The following NRXN3 variants were observed in gnomAD, a reference collection of about 807,000 sequenced individuals.
The protein encoded by NRXN3 is neurexin 3.
NRXN3 carries 32 observed loss-of-function variants against 137.6 expected under a neutral mutation model. The ratio of observed to expected loss-of-function variants is 0.23; its 90% CI spans 0.18 to 0.31. The LOEUF is 0.31. NRXN3 is among the 10% of genes least tolerant of loss of function. The pLI, the probability that NRXN3 is intolerant of heterozygous loss-of-function variation, is 1.00. For synonymous variants in NRXN3, 798 were observed against 784.5 expected (o/e 1.02, Z -0.29); for missense variants, 1,574 against 2,062.5 (o/e 0.76, Z 4.59).
intron 18 of NRXN3, among the ~76,000 whole-genome samples, chr14:79,697,336 T>C (rs1156532205): frequency 6.6e-6 from 1 of 151,994 alleles, no homozygotes; most frequent in African/African-American, 2.4e-5. Flanking sequence ...CTCAATTATA[T>C]ACCCAAGAAG....
At chr14:79,514,142 G>T (rs1275112099) in intron 16 of NRXN3, among the ~76,000 whole-genome samples, 1 of 151,930 alleles carries the variant, frequency 6.6e-6, no homozygotes. Context: ...TAGAGATAGA[G>T]ATATAGGCAA....
At chr14:78,743,677 A>G (rs1454072150) in intron 8 of NRXN3, among the ~76,000 whole-genome samples, 11 of 152,196 alleles carry the variant, frequency 7.2e-5, no homozygotes, top group South Asian at 2.1e-4. Context: ...CCAAGGCACA[A>G]AATATTTGTG....
chr14:79,772,757 CA>C (rs989336024), intron 19 of NRXN3, among the ~76,000 whole-genome samples: 2,695 of 151,608 alleles, frequency 0.018, 83 homozygotes, highest in African/African-American at 0.059. Flanking sequence ...CAATGGCAAC[CA>C]AAGCCAAAAT....
chr14:78,364,351 A>T (rs7159969), intron 4 of NRXN3, among the ~76,000 whole-genome samples: 150,611 of 152,290 alleles, frequency 0.99, 74,492 homozygotes, highest in East Asian at 1. Flanking sequence ...AGGCAGATCA[A>T]GGACTTCAAA....
chr14:79,443,791 A>G (rs563707560), intron 15 of NRXN3, among the ~76,000 whole-genome samples: 1 of 152,318 alleles, frequency 6.6e-6, no homozygotes, highest in East Asian at 1.9e-4. Context: ...TCTCATTACT[A>G]AGTAAAAGCC....
At chr14:79,832,879 G>A (rs1313551708) in intron 20 of NRXN3, among the ~76,000 whole-genome samples, 1 of 152,098 alleles carries the variant, frequency 6.6e-6, no homozygotes, top group African/African-American at 2.4e-5. Context: ...TAGATTAAAA[G>A]TTATAAATAA....
At chr14:78,184,745 T>C (rs376864667) in intron 1 of NRXN3, among the ~76,000 whole-genome samples, 1 of 152,210 alleles carries the variant, frequency 6.6e-6, no homozygotes, top group Non-Finnish European at 1.5e-5. Context: ...AGTGGCTAGA[T>C]GACTTGTCCA....
intron 4 of NRXN3, among the ~76,000 whole-genome samples, chr14:78,531,810 G>A (rs879305542): frequency 3.3e-5 from 5 of 152,098 alleles, no homozygotes; most frequent in Non-Finnish European, 7.4e-5. Context: ...TAGACACTTT[G>A]AGACTGTTTA....
chr14:79,709,577 G>A (rs867816121), intron 19 of NRXN3, among the ~76,000 whole-genome samples: 2 of 152,134 alleles, frequency 1.3e-5, no homozygotes, highest in South Asian at 2.1e-4. Context: ...TTTAATCCAC[G>A]GTAACAATGG....
At chr14:79,095,007 T>TGTGA (rs2050021912) in intron 15 of NRXN3, among the ~76,000 whole-genome samples, 2 of 151,642 alleles carry the variant, frequency 1.3e-5, no homozygotes, top group African/African-American at 2.4e-5. Context: ...TGTGTGTGTG[T>TGTGA]GTGAAATGGG....
chr14:78,463,208 T>C (rs2094978484), intron 4 of NRXN3, among the ~76,000 whole-genome samples: 1 of 152,078 alleles, frequency 6.6e-6, no homozygotes, highest in African/African-American at 2.4e-5. Context: ...TAATATTTCA[T>C]AGTGTGTGTA....
intron 15 of NRXN3, among the ~76,000 whole-genome samples, chr14:79,064,046 G>A (rs955063122): frequency 2.0e-5 from 3 of 152,116 alleles, no homozygotes; most frequent in African/African-American, 7.2e-5. Flanking sequence ...TAAAGCAAGT[G>A]AGGATGAATT....
At chr14:78,842,571 G>C (rs1346877374) in intron 10 of NRXN3, among the ~76,000 whole-genome samples, 5 of 152,098 alleles carry the variant, frequency 3.3e-5, no homozygotes, top group Non-Finnish European at 5.9e-5. Context: ...CATTGTCATT[G>C]ATAACATCTT....
At chr14:79,094,519 G>A (rs779651422) in intron 15 of NRXN3, among the ~76,000 whole-genome samples, 16 of 152,190 alleles carry the variant, frequency 1.1e-4, no homozygotes, top group Non-Finnish European at 1.5e-4. Context: ...CCTTGGTTCT[G>A]CAAAGTTTTT....
intron 19 of NRXN3, among the ~76,000 whole-genome samples, chr14:79,746,873 C>T (rs1283574047): frequency 6.6e-6 from 1 of 151,918 alleles, no homozygotes; most frequent in African/African-American, 2.4e-5. Flanking sequence ...ACTATTTAGA[C>T]AGTTACTTCT....
intron 15 of NRXN3, among the ~76,000 whole-genome samples, chr14:79,038,589 G>A (rs2099620046): frequency 6.6e-6 from 1 of 152,038 alleles, no homozygotes; most frequent in Non-Finnish European, 1.5e-5. Flanking sequence ...TAATGGGTAT[G>A]CTCTCCTTGC....
Position 79,492,580 on chromosome 14 carries a change from G to A in NRXN3, c.3444+25178G>A, listed in dbSNP as rs147656700. Among the ~76,000 whole-genome samples, 17 of 152,072 alleles carry A rather than the reference G, an allele frequency of 1.1e-4. No individual in the cohort carries two copies. The East Asian group carries it at 2.3e-3, about 21-fold the overall frequency. On this transcript the variant is annotated intron_variant, in intron 16 of 20. Coordinates refer to ENST00000335750, the MANE Select transcript of NRXN3 (RefSeq NM_001330195.2). ...GTACCTTTAGTAAAGATGGGTTTTCGCCGTGTTGGCCAGGATGGTCTCGAA... is the reference window on the plus strand; with the variant it reads ...GTACCTTTAGTAAAGATGGGTTTTCACCGTGTTGGCCAGGATGGTCTCGAA...
intron 16 of NRXN3, among the ~76,000 whole-genome samples, chr14:79,648,761 A>G (rs1250567018): frequency 6.6e-6 from 1 of 152,044 alleles, no homozygotes; most frequent in Non-Finnish European, 1.5e-5. Context: ...CAAGTTTTAG[A>G]TGTTCTGAGC....
intron 15 of NRXN3, among the ~76,000 whole-genome samples, chr14:79,352,907 T>C (rs2093275100): frequency 1.3e-5 from 2 of 152,102 alleles, no homozygotes; most frequent in African/African-American, 2.4e-5. Flanking sequence ...ACTTGTAAAC[T>C]TCCTCTGAAA....
Sources: allele counts gnomAD v4.1 joint callset (sites outside exome capture counted in the v4.1 genomes callset), GRCh38; gene constraint gnomAD v4.1.1; transcripts MANE v1.5; gene names NCBI Gene and HGNC (gene_info 2026-07-23, HGNC 2026-07-21).